The following CPNE2 variants were observed in gnomAD, a reference collection of about 807,000 sequenced individuals.
CPNE2 encodes copine 2.
In CPNE2, 42 loss-of-function variants were observed where a neutral mutation model predicts 69.7. That is an observed-to-expected ratio of 0.60 (90% CI 0.47 to 0.78). The LOEUF is 0.78. Among genes scored for constraint, CPNE2 ranks in the 30% least tolerant of loss-of-function variants. The pLI is 0.00. For missense variants in CPNE2, 587 were observed against 732.0 expected (o/e 0.80, Z 2.29); for synonymous variants, 294 against 289.8 (o/e 1.01, Z -0.15).
At chr16:57,135,273 G>A (rs558509335) in intron 13 of CPNE2, among the ~76,000 whole-genome samples, 26 of 134,312 alleles carry the variant, frequency 1.9e-4, no homozygotes, top group Middle Eastern at 3.6e-3. Context: ...AGTACTTGGC[G>A]GGGGATCAGG....
chr16:57,093,412 G>T (rs1203735756), intron 1 of CPNE2, among the ~76,000 whole-genome samples: 8 of 152,186 alleles, frequency 5.3e-5, no homozygotes, highest in South Asian at 2.1e-4. Context: ...CATGGAGAGA[G>T]CGGGCGAACA....
chr16:57,144,767 G>T (rs1597508953), intron 14 of CPNE2: 1 of 152,164 alleles, frequency 6.6e-6, no homozygotes, highest in East Asian at 1.9e-4. Context: ...GGCCAACGTG[G>T]TGAAACCCCA....
rs555530215 is a variant in CPNE2, at chr16:57,146,580, G to A, written c.1539+259G>A. On this transcript the variant is annotated intron_variant, in intron 15 of 15. Transcript: ENST00000290776. This position sits in a 1 kb window ranked among gnomAD's most constrained non-coding sequence, Gnocchi z 4.4. ...GTGGGCATCTAGCCTGAGGCTCTGG[G>A]GCAGGGCTTCCTGGAGGACCTGCCC... 2.2e-4 allele frequency: 108 copies of A among 485,056 alleles called. 1 individual carries two copies. In the East Asian group the frequency reaches 4.1e-3, roughly 19 times the overall value. The allele number at this position is 485,056 out of a possible 1,614,324, so 30.0% of individuals were successfully genotyped here. A position where few individuals can be genotyped will look rare whatever the true frequency, so the allele number is the denominator to read the frequency against.
chr16:57,109,309 C>T (rs1393730508), intron 1 of CPNE2, among the ~76,000 whole-genome samples: 1 of 151,424 alleles, frequency 6.6e-6, no homozygotes, highest in Admixed American at 6.6e-5. Flanking sequence ...AACCTCGTCT[C>T]TACTAAAAAT....
At chr16:57,104,744 G>A (rs2069637830) in intron 1 of CPNE2, among the ~76,000 whole-genome samples, 2 of 152,232 alleles carry the variant, frequency 1.3e-5, no homozygotes, top group Non-Finnish European at 2.9e-5. Flanking sequence ...AGCGGAGACA[G>A]ATTACATCAG....
intron 14 of CPNE2, chr16:57,143,451 C>T (rs1370252058): frequency 2.0e-5 from 3 of 152,344 alleles, no homozygotes; most frequent in African/African-American, 7.2e-5. Flanking sequence ...TTTTCCCTGC[C>T]AGGCCCCTCT....
intron 3 of CPNE2, among the ~76,000 whole-genome samples, chr16:57,113,795 C>T (rs1469196562): frequency 6.6e-6 from 1 of 152,250 alleles, no homozygotes; most frequent in Non-Finnish European, 1.5e-5. Context: ...CGCTTTGTGG[C>T]AGACTCACTG....
At chr16:57,129,743 C>T (rs1008779256) in intron 12 of CPNE2, among the ~76,000 whole-genome samples, 2 of 152,148 alleles carry the variant, frequency 1.3e-5, no homozygotes, top group African/African-American at 2.4e-5. Context: ...CACTTGAACT[C>T]GGGAGGCAGT....
At chr16:57,133,194 G>A (rs2069850934) in intron 12 of CPNE2, among the ~76,000 whole-genome samples, 1 of 152,206 alleles carries the variant, frequency 6.6e-6, no homozygotes, top group South Asian at 2.1e-4. Flanking sequence ...CTGGAGCCCA[G>A]ACTGGGGACA....
At chr16:57,104,445 T>G (rs1297685430) in intron 1 of CPNE2, among the ~76,000 whole-genome samples, 1 of 152,208 alleles carries the variant, frequency 6.6e-6, no homozygotes, top group Non-Finnish European at 1.5e-5. Context: ...ACAGTCCCTC[T>G]CCTGCTGGCC....
intron 4 of CPNE2, among the ~76,000 whole-genome samples, chr16:57,115,932 G>T (rs1263795153): frequency 3.3e-5 from 5 of 152,242 alleles, no homozygotes; most frequent in Admixed American, 6.5e-5. Flanking sequence ...CAGGCCCTTC[G>T]CCCGGATGAG....
intron 1 of CPNE2, among the ~76,000 whole-genome samples, chr16:57,102,295 A>G (rs4784766): frequency 0.069 from 10,487 of 152,148 alleles, 629 homozygotes; most frequent in African/African-American, 0.14. Context: ...TAGGTGACCC[A>G]TCTGGAAACC....
rs919792650 is a variant in CPNE2 at position 57,134,879 on chromosome 16, G to A, written c.1168+53G>A. The stretch of plus-strand genomic sequence containing the variant: ...CCTGTGTTTGCTACGGGCCTGGCCA[G>A]CTCCCTGGGTGGAGGGAGGGCAGAG... On this transcript the variant is annotated intron_variant, in intron 13 of 15. Transcript: ENST00000290776. The A allele has an allele frequency of 8.8e-6, 14 of 1,587,502 alleles. No homozygotes were observed. The African/African-American group carries it at 1.7e-4, about 20-fold the overall frequency.
chr16:57,123,402 G>A lies in CPNE2; in HGVS notation c.868-12G>A, dbSNP rs370770978. The stretch of plus-strand genomic sequence containing the variant: ...GTCAAGGGGACCCACTGACTCATCC[G>A]CTTTCTTCCAGATAAACCGAGACTA... On this transcript the variant is annotated splice_polypyrimidine_tract_variant and intron_variant, in intron 9 of 15. Transcript: ENST00000290776. The A allele has an allele frequency of 3.8e-4, 617 of 1,612,148 alleles. 1 individual carries two copies. The highest frequency in any genetic ancestry group is 5.1e-4 in the Non-Finnish European group (598 of 1,179,982).
At chr16:57,128,000 C>G (rs2069812589) in intron 12 of CPNE2, 97 bp downstream of exon 12, 6 of 1,244,542 alleles carry the variant, frequency 4.8e-6, no homozygotes, top group Non-Finnish European at 7.0e-6. Flanking sequence ...GGCTGGGGCC[C>G]TGTTGCCCTG....
chr16:57,115,085 A>G (rs1306677793), intron 3 of CPNE2, among the ~76,000 whole-genome samples: 6 of 152,106 alleles, frequency 3.9e-5, no homozygotes, highest in African/African-American at 1.4e-4. Context: ...AAAGGAAAAT[A>G]CATAGAATCT....
At chr16:57,115,425 C>T (rs1262818224) in intron 3 of CPNE2, 51 bp from the exon 4 acceptor site, 1 of 1,464,094 alleles carries the variant, frequency 6.8e-7, no homozygotes, top group Middle Eastern at 1.7e-4. Context: ...TTTTTCCTTC[C>T]CGGGCTTCCC....
intron 7 of CPNE2, among the ~76,000 whole-genome samples, chr16:57,120,522 G>A (rs1430817171): frequency 6.6e-6 from 1 of 152,094 alleles, no homozygotes; most frequent in Non-Finnish European, 1.5e-5. Flanking sequence ...TCTGAGAGCA[G>A]ATGGGACTGG....
At position 57,147,532 on chromosome 16, in the gene CPNE2, A is replaced by C. The variant is rs2145291042; in HGVS notation, c.1540-19A>C. 2 of 1,527,362 alleles carry C rather than the reference A, an allele frequency of 1.3e-6. No individual in the cohort carries two copies. Among genetic ancestry groups the C allele is most frequent in the Non-Finnish European group, 1.8e-6 (2 of 1,124,264 alleles). The allele number at this position is 1,527,362 out of a possible 1,614,324, so 94.6% of individuals were successfully genotyped here. A position where few individuals can be genotyped will look rare whatever the true frequency, so the allele number is the denominator to read the frequency against. On this transcript the variant is annotated intron_variant, in intron 15 of 15. Coordinates refer to ENST00000290776, the MANE Select transcript of CPNE2 (RefSeq NM_152727.6). Reference sequence around the variant, plus strand: ...CCTTATTCTCTCTCTTCCCCACCCCACCCTCCTCCACCCTGCAGGCAGCAA... The same window carrying C: ...CCTTATTCTCTCTCTTCCCCACCCCCCCCTCCTCCACCCTGCAGGCAGCAA...
Sources: allele counts gnomAD v4.1 joint callset (sites outside exome capture counted in the v4.1 genomes callset), GRCh38; gene constraint gnomAD v4.1.1; non-coding constraint Gnocchi (gnomAD v3.1); transcripts MANE v1.5; gene names NCBI Gene and HGNC (gene_info 2026-07-23, HGNC 2026-07-21).